The following SAMD4A variants were observed in gnomAD, a reference collection of about 807,000 sequenced individuals.
SAMD4A encodes protein Smaug homolog 1.
SAMD4A carries 33 observed loss-of-function variants against 81.3 expected under a neutral mutation model. The ratio of observed to expected loss-of-function variants is 0.41; its 90% CI spans 0.31 to 0.54. The LOEUF (loss-of-function observed/expected upper bound fraction) is 0.54, where lower values mean the gene tolerates loss of function less well. Among genes scored for constraint, SAMD4A ranks in the 20% least tolerant of loss-of-function variants. The probability of loss-of-function intolerance (pLI) is 0.37; values close to 1 mark genes in which losing one functional copy is unlikely to be tolerated. For synonymous variants in SAMD4A, 389 were observed against 382.1 expected (o/e 1.02, Z -0.21); for missense variants, 854 against 951.1 (o/e 0.90, Z 1.34).
At chr14:54,655,587 A>T (rs1446017174) in intron 2 of SAMD4A, among the ~76,000 whole-genome samples, 1 of 151,918 alleles carries the variant, frequency 6.6e-6, no homozygotes, top group Non-Finnish European at 1.5e-5. Context: ...CAAAAAAAAA[A>T]ATTAGCCGGG....
chr14:54,586,056 C>T (rs1594696405), intron 2 of SAMD4A, among the ~76,000 whole-genome samples: 1 of 152,134 alleles, frequency 6.6e-6, no homozygotes, highest in Non-Finnish European at 1.5e-5. Context: ...TTCCCACCGA[C>T]AGTGTAAAAG....
chr14:54,666,570 G>T (rs535967959), intron 2 of SAMD4A, among the ~76,000 whole-genome samples: 1 of 152,152 alleles, frequency 6.6e-6, no homozygotes, highest in African/African-American at 2.4e-5. Flanking sequence ...CCTTGTTCAA[G>T]AGTCAACTGT....
At chr14:54,670,858 A>G (rs951574935) in intron 2 of SAMD4A, among the ~76,000 whole-genome samples, 4 of 152,250 alleles carry the variant, frequency 2.6e-5, no homozygotes, top group Admixed American at 2.6e-4. Flanking sequence ...AATTGCTCCT[A>G]AAACAACAAA....
chr14:54,645,786 C>T (rs1283868731), intron 2 of SAMD4A, among the ~76,000 whole-genome samples: 1 of 152,196 alleles, frequency 6.6e-6, no homozygotes, highest in Non-Finnish European at 1.5e-5. Flanking sequence ...CAGAATACTT[C>T]TCTGTTTCCC....
intron 2 of SAMD4A, among the ~76,000 whole-genome samples, chr14:54,684,670 C>G (rs2036215028): frequency 7.0e-6 from 1 of 142,030 alleles, no homozygotes. Context: ...GGGTGCCGCC[C>G]CCTCCCCCAG....
At chr14:54,653,917 G>C (rs1379788217) in intron 2 of SAMD4A, among the ~76,000 whole-genome samples, 1 of 152,172 alleles carries the variant, frequency 6.6e-6, no homozygotes, top group Non-Finnish European at 1.5e-5. Flanking sequence ...TGCATCTGGT[G>C]CTTCCTGGTG....
chr14:54,568,204 C>G (rs1356143678), intron 2 of SAMD4A, 92 bp downstream of exon 2: 4 of 1,219,006 alleles, frequency 3.3e-6, no homozygotes, highest in Non-Finnish European at 4.3e-6. Context: ...GAGGCCAGTC[C>G]CTGCCAGCCG....
Position 54,770,027 on chromosome 14 carries a change from T to C in SAMD4A, c.1597-77T>C. The C allele has an allele frequency of 3.3e-6, 3 of 903,198 alleles. No individual in the cohort carries two copies. In the Admixed American group the frequency reaches 5.7e-5, roughly 17 times the overall value. 55.9% of individuals were successfully genotyped at this position (903,198 alleles called of 1,614,324 possible). A position where few individuals can be genotyped will look rare whatever the true frequency, so the allele number is the denominator to read the frequency against. ...GGCAACTGCAGAGACTCCAATGTTTTCCCCTTATTAATTGCATGTTTCTCC... is the reference window on the plus strand; with the variant it reads ...GGCAACTGCAGAGACTCCAATGTTTCCCCCTTATTAATTGCATGTTTCTCC... On this transcript the variant is annotated intron_variant, in intron 8 of 12. Transcript: ENST00000554335.
chr14:54,714,875 T>A (rs1372992085), intron 3 of SAMD4A, among the ~76,000 whole-genome samples: 3 of 152,130 alleles, frequency 2.0e-5, no homozygotes, highest in Admixed American at 6.6e-5. Context: ...ATACTTTGAA[T>A]CAGTTCTACA....
At chr14:54,776,343 C>A in intron 10 of SAMD4A, 71 bp from the exon 11 acceptor site, 1 of 1,503,200 alleles carries the variant, frequency 6.7e-7, no homozygotes, top group South Asian at 1.3e-5. Flanking sequence ...CTCCCAAATT[C>A]TTGCTGGCGG....
intron 2 of SAMD4A, among the ~76,000 whole-genome samples, chr14:54,615,944 C>T (rs976353714): frequency 2.6e-5 from 4 of 151,670 alleles, no homozygotes; most frequent in Admixed American, 6.6e-5. Context: ...GAAAAATTCT[C>T]TTATCAGAAA....
intron 2 of SAMD4A, among the ~76,000 whole-genome samples, chr14:54,633,409 C>T (rs1306498652): frequency 2.6e-5 from 4 of 152,034 alleles, no homozygotes; most frequent in African/African-American, 9.7e-5. Flanking sequence ...CATATAGACC[C>T]GATTTAGGAT....
At chr14:54,769,434 AG>A (rs1045264005) in intron 8 of SAMD4A, among the ~76,000 whole-genome samples, 2 of 152,226 alleles carry the variant, frequency 1.3e-5, no homozygotes, top group Non-Finnish European at 2.9e-5. Context: ...AATATAACAT[AG>A]GTAAGAGTTT....
intron 8 of SAMD4A, among the ~76,000 whole-genome samples, chr14:54,768,810 T>G (rs924377972): frequency 6.6e-6 from 1 of 152,196 alleles, no homozygotes; most frequent in African/African-American, 2.4e-5. Context: ...AAGTCCTCAA[T>G]GACGTTTCTG....
chr14:54,613,309 G>T (rs954834483), intron 2 of SAMD4A, among the ~76,000 whole-genome samples: 2 of 152,140 alleles, frequency 1.3e-5, no homozygotes, highest in Admixed American at 6.5e-5. Flanking sequence ...GGGGCCGGGT[G>T]GAGACCAGAG....
At chr14:54,722,997 A>T (rs545886177) in intron 3 of SAMD4A, among the ~76,000 whole-genome samples, 1 of 151,722 alleles carries the variant, frequency 6.6e-6, no homozygotes, top group Admixed American at 6.6e-5. Context: ...CTCTATACCA[A>T]CCCCATCTGG....
chr14:54,778,802 C>G (rs527408515), intron 11 of SAMD4A, among the ~76,000 whole-genome samples: 1 of 152,312 alleles, frequency 6.6e-6, no homozygotes, highest in South Asian at 2.1e-4. Context: ...CGCTCAGCAC[C>G]ATGCTGGGTG....
intron 3 of SAMD4A, among the ~76,000 whole-genome samples, chr14:54,732,744 A>G (rs1314440892): frequency 6.6e-6 from 1 of 152,176 alleles, no homozygotes; most frequent in Non-Finnish European, 1.5e-5. Flanking sequence ...TGAGGTATGT[A>G]TTTAACCTAA....
intron 2 of SAMD4A, among the ~76,000 whole-genome samples, chr14:54,662,407 T>C (rs535474073): frequency 2.6e-5 from 4 of 151,900 alleles, no homozygotes; most frequent in African/African-American, 9.7e-5. Context: ...TATTTTTTTT[T>C]TTTTTCATTT....
Sources: allele counts gnomAD v4.1 joint callset (sites outside exome capture counted in the v4.1 genomes callset), GRCh38; gene constraint gnomAD v4.1.1; transcripts MANE v1.5; gene names NCBI Gene and HGNC (gene_info 2026-07-23, HGNC 2026-07-21).